The following SLC7A6 variants were observed in gnomAD, a reference collection of about 807,000 sequenced individuals.
The protein encoded by SLC7A6 is solute carrier family 7 member 6.
In SLC7A6, 29 loss-of-function variants were observed where a neutral mutation model predicts 46.6. That is an observed-to-expected ratio of 0.62 (90% confidence interval 0.46 to 0.85). SLC7A6 has a LOEUF of 0.85. SLC7A6 is among the 40% of genes least tolerant of loss of function. The probability of loss-of-function intolerance (pLI) is 0.00; values close to 1 mark genes in which losing one functional copy is unlikely to be tolerated. For synonymous variants in SLC7A6, 276 were observed against 257.3 expected, an observed-to-expected ratio of 1.07 and a Z score of -0.70; for missense variants, 527 against 647.6, an observed-to-expected ratio of 0.81 and a Z score of 2.02.
At chr16:68,277,411 C>G (rs1741275872) in intron 3 of SLC7A6, among the ~76,000 whole-genome samples, 1 of 150,134 alleles carries the variant, frequency 6.7e-6, no homozygotes, top group South Asian at 2.1e-4. Context: ...TCGACTCACA[C>G]CATTCTCCTG....
At chr16:68,268,374 C>G (rs745733491) in intron 2 of SLC7A6, among the ~76,000 whole-genome samples, 1 of 152,184 alleles carries the variant, frequency 6.6e-6, no homozygotes, top group African/African-American at 2.4e-5. Flanking sequence ...CCTCCCCCTC[C>G]GGCATTTGGT....
At chr16:68,295,725 T>C (rs1417071413) in intron 8 of SLC7A6, among the ~76,000 whole-genome samples, 2 of 152,228 alleles carry the variant, frequency 1.3e-5, no homozygotes, top group African/African-American at 4.8e-5. Flanking sequence ...CCCTAGGCCC[T>C]AATCCTTGCC....
chr16:68,284,859 C>CTTTTTTTTTTTTTT lies in SLC7A6; in HGVS notation c.524-2882_524-2869dup, dbSNP rs71384525. Among the ~76,000 whole-genome samples, 18 of 95,602 alleles carry CTTTTTTTTTTTTTT rather than the reference C, an allele frequency of 1.9e-4. 1 individual carries two copies. The highest frequency in any genetic ancestry group is 3.6e-4 in the South Asian group (1 of 2,810). The allele number at this position is 95,602 out of a possible 152,430, so 62.7% of individuals were successfully genotyped here. On this transcript the variant is annotated intron_variant, in intron 3 of 10. Coordinates refer to ENST00000219343, the MANE Select transcript of SLC7A6 (RefSeq NM_003983.6). Reference sequence around the variant, plus strand: ...CTGTCTCTTCTGTGTATTTTCTCGTCTTTTTTTTTTTTTTTTTTAGAGACA... The same window carrying CTTTTTTTTTTTTTT: ...CTGTCTCTTCTGTGTATTTTCTCGTCTTTTTTTTTTTTTTTTTTTTTTTTTTTTTTTTAGAGACA...
intron 3 of SLC7A6, among the ~76,000 whole-genome samples, chr16:68,285,902 GACAATACA>G (rs1596993485): frequency 1.3e-5 from 2 of 151,894 alleles, no homozygotes; most frequent in East Asian, 3.9e-4. Flanking sequence ...GACCAGCCTG[GACAATACA>G]GCAAGACCCC....
At chr16:68,290,110 C>G (rs950727836) in intron 4 of SLC7A6, 17 of 332,580 alleles carry the variant, frequency 5.1e-5, no homozygotes, top group Non-Finnish European at 8.8e-5. Flanking sequence ...TTTTTATTGT[C>G]TAGTTTTATT....
chr16:68,284,263 T>G (rs781451416), intron 3 of SLC7A6: 6 of 152,244 alleles, frequency 3.9e-5, no homozygotes, highest in Non-Finnish European at 8.8e-5. Flanking sequence ...TCAGGGGCCA[T>G]GCTAATCTTC....
intron 2 of SLC7A6, among the ~76,000 whole-genome samples, chr16:68,274,404 T>C (rs1178932538): frequency 6.6e-6 from 1 of 152,210 alleles, no homozygotes; most frequent in East Asian, 1.9e-4. Context: ...AATCCAATCG[T>C]TGGACAAATT....
chr16:68,290,514 A>T lies in SLC7A6; in HGVS notation c.768A>T (p.Val256=), dbSNP rs1283527743. The part of the protein sequence containing the change: ...SYSGWDTLNF[V]TEEIKNPERN... ...CAGGTTGGGACACCCTTAATTTTGT[A>T]ACAGAAGAAATCAAAAACCCAGAAA... The change falls in exon 5 of 11, where the codon GTA becomes GTT. Residue 256 remains valine, a synonymous_variant. Transcript: ENST00000219343. 1 of 1,614,110 alleles carries T rather than the reference A, an allele frequency of 6.2e-7. No individual in the cohort carries two copies. Among genetic ancestry groups the T allele is most frequent in the East Asian group, 2.2e-5 (1 of 44,874 alleles).
intron 8 of SLC7A6, 149 bp from the exon 9 acceptor site, chr16:68,296,215 G>A (rs1567596342): frequency 1.3e-6 from 1 of 780,058 alleles, no homozygotes; most frequent in Non-Finnish European, 2.1e-6. Flanking sequence ...TCAAGGAATG[G>A]ACCTATCTGA....
Position 68,291,679 on chromosome 16 carries a change from C to A in SLC7A6, c.1022+18C>A. The A allele has an allele frequency of 6.2e-7, 1 of 1,603,390 alleles. No homozygotes were observed. Among genetic ancestry groups the A allele is most frequent in the Non-Finnish European group, 8.5e-7 (1 of 1,170,610 alleles). ...TCATCAAGGTACTGTGTCTCTGTGT[C>A]ACTGATAATAGACCACAATATTTCA... is the stretch of plus-strand genomic sequence containing the variant. On this transcript the variant is annotated intron_variant, in intron 7 of 10. Transcript: ENST00000219343.
intron 7 of SLC7A6, among the ~76,000 whole-genome samples, chr16:68,293,479 G>A (rs1597007002): frequency 6.6e-6 from 1 of 152,236 alleles, no homozygotes; most frequent in East Asian, 1.9e-4. Flanking sequence ...GTGATAGATG[G>A]ACTTCTTTTC....
At chr16:68,270,296 G>C (rs2042604710) in intron 2 of SLC7A6, among the ~76,000 whole-genome samples, 1 of 151,988 alleles carries the variant, frequency 6.6e-6, no homozygotes, top group Non-Finnish European at 1.5e-5. Context: ...GACACCTCCG[G>C]TGGTCTTGCC....
intron 4 of SLC7A6, among the ~76,000 whole-genome samples, chr16:68,289,725 A>G (rs1254048760): frequency 1.3e-5 from 2 of 152,090 alleles, no homozygotes; most frequent in East Asian, 3.9e-4. Flanking sequence ...GCCTCTGAGG[A>G]GAATGACAGG....
chr16:68,290,589 C>G, intron 5 of SLC7A6, 49 bp downstream of exon 5: 1 of 1,609,310 alleles, frequency 6.2e-7, no homozygotes, highest in Non-Finnish European at 8.5e-7. Flanking sequence ...GGAACTCCTG[C>G]TGATAGTGGG....
intron 5 of SLC7A6, 33 bp from the exon 6 acceptor site, chr16:68,291,176 T>C: frequency 6.2e-7 from 1 of 1,614,076 alleles, no homozygotes; most frequent in South Asian, 1.1e-5. Flanking sequence ...GAGAGGTTGG[T>C]TCTAGGTAGT....
intron 2 of SLC7A6, among the ~76,000 whole-genome samples, chr16:68,268,863 T>C (rs1025140771): frequency 2.0e-5 from 3 of 152,128 alleles, no homozygotes; most frequent in Non-Finnish European, 4.4e-5. Context: ...AAAAATTAGC[T>C]GGGTGTGGTG....
chr16:68,294,575 C>G, intron 7 of SLC7A6, 130 bp from the exon 8 acceptor site: 1 of 702,074 alleles, frequency 1.4e-6, no homozygotes, highest in Non-Finnish European at 2.6e-6. Flanking sequence ...CACTAAGGAC[C>G]TGGGATGCTC....
chr16:68,283,475 C>T (rs976363530), intron 3 of SLC7A6, among the ~76,000 whole-genome samples: 2 of 152,100 alleles, frequency 1.3e-5, no homozygotes, highest in African/African-American at 2.4e-5. Flanking sequence ...GCATACATCC[C>T]GGGAGAAAAC....
chr16:68,289,155 T>G, intron 4 of SLC7A6, among the ~76,000 whole-genome samples: 1 of 150,160 alleles, frequency 6.7e-6, no homozygotes, highest in African/African-American at 2.5e-5. Flanking sequence ...TAGCCGGGGG[T>G]GGTGGTGGGT....
Sources: gnomAD v4.1 joint callset for allele counts (sites outside exome capture counted in the v4.1 genomes callset) on GRCh38, gnomAD v4.1.1 for gene constraint, MANE v1.5 for transcripts, NCBI Gene and HGNC (gene_info 2026-07-23, HGNC 2026-07-21) for gene names.